Variants in ARFGEF3 observed in about 807,000 individuals in gnomAD.
The protein encoded by ARFGEF3 is brefeldin A-inhibited guanine nucleotide-exchange protein 3.
In ARFGEF3, 96 loss-of-function variants were observed where a neutral mutation model predicts 221.7. The observed-to-expected ratio is 0.43, with a 90% CI of 0.37 to 0.51. The LOEUF (loss-of-function observed/expected upper bound fraction) is 0.51. Ranked by LOEUF, ARFGEF3 falls within the 20% of genes least tolerant of loss-of-function variation. The pLI is 0.00. For synonymous variants in ARFGEF3, 1,145 were observed against 1,126.8 expected, an observed-to-expected ratio of 1.02 and a Z score of -0.32; for missense variants, 2,410 against 2,789.9, an observed-to-expected ratio of 0.86 and a Z score of 3.07.
intron 8 of ARFGEF3, among the ~76,000 whole-genome samples, chr6:138,253,437 C>CA (rs1778615405): frequency 6.6e-6 from 1 of 152,174 alleles, no homozygotes; most frequent in Non-Finnish European, 1.5e-5. Flanking sequence ...CATTCAAGAT[C>CA]AAGGCGTCAG....
chr6:138,192,730 G>C (rs567370857), intron 2 of ARFGEF3, among the ~76,000 whole-genome samples: 3 of 152,290 alleles, frequency 2.0e-5, no homozygotes, highest in Admixed American at 2.0e-4. Context: ...GGCTGGCCCT[G>C]GGCAGTCAGG....
intron 22 of ARFGEF3, 99 bp downstream of exon 22, chr6:138,298,884 C>T (rs1779573499): frequency 2.2e-6 from 2 of 902,064 alleles, no homozygotes; most frequent in Non-Finnish European, 1.7e-6. Flanking sequence ...TTCCAATAAT[C>T]CTATGTGGAA....
intron 2 of ARFGEF3, among the ~76,000 whole-genome samples, chr6:138,196,792 T>G (rs999634063): frequency 3.9e-5 from 6 of 152,206 alleles, no homozygotes; most frequent in African/African-American, 1.4e-4. Context: ...ACAAAAATAC[T>G]TTATATCCTT....
chr6:138,181,116 A>G (rs1360647753), intron 2 of ARFGEF3, among the ~76,000 whole-genome samples: 2 of 152,180 alleles, frequency 1.3e-5, no homozygotes, highest in Non-Finnish European at 2.9e-5. Context: ...AAGACCTACA[A>G]TTAGCTCTCC....
intron 9 of ARFGEF3, 91 bp downstream of exon 9, chr6:138,254,075 A>G: frequency 6.6e-6 from 5 of 753,746 alleles, no homozygotes; most frequent in Non-Finnish European, 1.0e-5. Flanking sequence ...GAAGTCCATG[A>G]CCCACCAGTA....
intron 12 of ARFGEF3, among the ~76,000 whole-genome samples, chr6:138,274,276 A>G (rs1002243001): frequency 4.6e-5 from 7 of 152,144 alleles, no homozygotes; most frequent in Admixed American, 1.3e-4. Context: ...CCTTTCATCT[A>G]TGATCCAGGG....
chr6:138,206,760 G>A (rs1777630713), intron 2 of ARFGEF3, among the ~76,000 whole-genome samples: 2 of 152,126 alleles, frequency 1.3e-5, no homozygotes, highest in South Asian at 4.2e-4. Context: ...GACTGGCCGG[G>A]GTCCCAATGT....
intron 2 of ARFGEF3, among the ~76,000 whole-genome samples, chr6:138,196,960 A>G (rs1333514306): frequency 1.3e-5 from 2 of 151,844 alleles, no homozygotes; most frequent in African/African-American, 2.4e-5. Flanking sequence ...CAGCCTCCCA[A>G]GTAGCTGGGA....
chr6:138,183,607 AAC>A (rs920854849), intron 2 of ARFGEF3, among the ~76,000 whole-genome samples: 10 of 152,158 alleles, frequency 6.6e-5, no homozygotes, highest in Admixed American at 2.0e-4. Flanking sequence ...GTCAGAGCCA[AAC>A]ACACAGCATG....
At chr6:138,319,607 TGTAGG>T in intron 27 of ARFGEF3, 91 bp from the exon 28 acceptor site, 1 of 819,642 alleles carries the variant, frequency 1.2e-6, no homozygotes, top group Non-Finnish European at 1.9e-6. Context: ...TCTCAGCAAA[TGTAGG>T]GATCCTTCCA....
chr6:138,234,790 T>C lies in ARFGEF3; in HGVS notation c.421-3719T>C, dbSNP rs1356151919. Among the ~76,000 whole-genome samples the C allele has an allele frequency of 2.0e-5, 3 of 152,188 alleles. No homozygotes were observed. The East Asian group carries it at 5.8e-4, about 29-fold the overall frequency. On this transcript the variant is annotated intron_variant, in intron 5 of 33. Transcript: ENST00000251691. ...CACTGTAAATTATTTTTCATCCTTATAAAAGTTTCCCAGTTGAAAATATAC... is the reference window on the plus strand; with the variant it reads ...CACTGTAAATTATTTTTCATCCTTACAAAAGTTTCCCAGTTGAAAATATAC...
In ARFGEF3 at chr6:138,170,687, T is replaced by A; in HGVS notation, c.111T>A (p.Ile37=). The part of the protein sequence containing the change: ...ALETLGGLDT[I]VKIPPHVLRE... ...AAACTCTAGGTGGTCTGGATACCAT[T>A]GTCAAGATCCCTCCACATGTACTGA... Residue 37 remains isoleucine (I), a synonymous_variant, in exon 2 of 34, where the codon ATT becomes ATA. Transcript: ENST00000251691. The A allele has an allele frequency of 6.3e-7, 1 of 1,588,602 alleles. No homozygotes were observed. The highest frequency in any genetic ancestry group is 8.6e-7 in the Non-Finnish European group (1 of 1,157,044).
chr6:138,321,104 C>T lies in ARFGEF3; in HGVS notation c.4652-7C>T. ...GTGTGAAACTGTGATTTTGCTGTTT[C>T]CCATAGATATCAGGTACGAGAGCAT... On this transcript the variant is annotated splice_polypyrimidine_tract_variant and splice_region_variant and intron_variant, in intron 28 of 33. Coordinates refer to ENST00000251691, the MANE Select transcript of ARFGEF3 (RefSeq NM_020340.5). 1 of 1,528,044 alleles carries T rather than the reference C, an allele frequency of 6.5e-7. No individual in the cohort carries two copies. Among genetic ancestry groups the T allele is most frequent in the Non-Finnish European group, 8.9e-7 (1 of 1,124,510 alleles). The allele number at this position is 1,528,044 out of a possible 1,614,324, so 94.7% of individuals were successfully genotyped here. A position where few individuals can be genotyped will look rare whatever the true frequency, so the allele number is the denominator to read the frequency against.
Position 138,278,572 on chromosome 6 carries a change from C to A in ARFGEF3, c.2250C>A (p.His750Gln). Residue 750 changes from histidine (H) to glutamine (Q), a missense_variant, in exon 13 of 34, where the codon CAC becomes CAA. Physicochemically the swap from His to Gln is conservative, Grantham distance 24. Around this residue, in one of 5 missense-constraint regions of ARFGEF3, gnomAD observed 594 missense variants for 734.3 expected, o/e 0.81. Transcript: ENST00000251691. The stretch of plus-strand genomic sequence containing the variant: ...TGCTCCTCAACCTGAAGCTCTCCCA[C>A]GGTGACTACTACAGGAAGCGGCCGA... ...CALLLNLKLSHGDYYRKRPTL... is the reference protein window; with the variant it reads ...CALLLNLKLSQGDYYRKRPTL... 2 of 1,613,994 alleles carry A rather than the reference C, an allele frequency of 1.2e-6. No individual in the cohort carries two copies. The highest frequency in any genetic ancestry group is 1.7e-6 in the Non-Finnish European group (2 of 1,179,902).
intron 12 of ARFGEF3, among the ~76,000 whole-genome samples, chr6:138,266,343 G>A (rs2114597440): frequency 6.6e-6 from 1 of 152,068 alleles, no homozygotes; most frequent in East Asian, 1.9e-4. Context: ...AGGGAAGGCA[G>A]AAGGGAAGGG....
chr6:138,292,317 G>A (rs969170151), intron 19 of ARFGEF3, among the ~76,000 whole-genome samples: 3 of 152,102 alleles, frequency 2.0e-5, no homozygotes, highest in Non-Finnish European at 4.4e-5. Flanking sequence ...CACCTCCCTG[G>A]GCCCTGCCTG....
intron 32 of ARFGEF3, 89 bp downstream of exon 32, chr6:138,328,231 G>A: frequency 7.2e-7 from 1 of 1,391,182 alleles, no homozygotes; most frequent in Non-Finnish European, 9.5e-7. Context: ...CTGAGCTTTG[G>A]CCAGAAATAC....
rs1478874790 is a variant in ARFGEF3 at position 138,344,223 on chromosome 6, T to C, written c.*7737T>C. 6.6e-6 allele frequency: 1 copy of C among 152,198 alleles called. No homozygotes were observed. The highest frequency in any genetic ancestry group is 1.5e-5 in the Non-Finnish European group (1 of 68,034). 9.4% of individuals were successfully genotyped at this position (152,198 alleles called of 1,614,324 possible). ...GATTATAAATAAATGAAGCTTGTTATAGCCATAATGATTTGAGTCAGTATA... is the reference window on the plus strand; with the variant it reads ...GATTATAAATAAATGAAGCTTGTTACAGCCATAATGATTTGAGTCAGTATA... On this transcript the variant is annotated 3_prime_UTR_variant, in exon 34 of 34. Transcript: ENST00000251691.
intron 14 of ARFGEF3, among the ~76,000 whole-genome samples, chr6:138,282,311 G>T (rs1779209976): frequency 6.6e-6 from 1 of 152,180 alleles, no homozygotes; most frequent in South Asian, 2.1e-4. Context: ...AGAAGGAGGT[G>T]CAGAGCAAGG....
Sources: gnomAD v4.1 joint callset for allele counts (sites outside exome capture counted in the v4.1 genomes callset) on GRCh38, gnomAD v4.1.1 for gene constraint, gnomAD v4.1.1 regional missense constraint, MANE v1.5 for transcripts, NCBI Gene and HGNC (gene_info 2026-07-23, HGNC 2026-07-21) for gene names.